SLC25A26: variants seen among roughly 807,000 people sequenced by gnomAD.
SLC25A26 encodes the protein mitochondrial S-adenosylmethionine carrier protein.
A neutral mutation model predicts 37.8 loss-of-function variants in SLC25A26; 36 were observed. That is an observed-to-expected ratio of 0.95 (90% CI 0.73 to 1.26). The LOEUF (loss-of-function observed/expected upper bound fraction) is 1.26, where lower values mean the gene tolerates loss of function less well. Ranked by LOEUF, SLC25A26 falls within the 50% of genes most tolerant of loss-of-function variation. The pLI is 0.00. For synonymous variants in SLC25A26, 129 were observed against 122.5 expected, an observed-to-expected ratio of 1.05 and a Z score of -0.35; for missense variants, 390 against 331.1, an observed-to-expected ratio of 1.18 and a Z score of -1.38.
intron 5 of SLC25A26, among the ~76,000 whole-genome samples, chr3:66,313,129 A>C (rs916716525): frequency 1.3e-5 from 2 of 152,068 alleles, no homozygotes; most frequent in East Asian, 3.9e-4. Flanking sequence ...TCTTTAGTTT[A>C]ATTAGATCCC....
chr3:66,298,703 C>T (rs2074981556), intron 5 of SLC25A26, among the ~76,000 whole-genome samples: 1 of 152,154 alleles, frequency 6.6e-6, no homozygotes, highest in South Asian at 2.1e-4. Flanking sequence ...GAGCACCAGT[C>T]ACACTACTGA....
chr3:66,256,431 T>G (rs2073304666), intron 3 of SLC25A26, among the ~76,000 whole-genome samples: 2 of 152,146 alleles, frequency 1.3e-5, no homozygotes, highest in South Asian at 4.1e-4. Flanking sequence ...TAATAAATAC[T>G]TTTTTCCTTT....
chr3:66,331,922 G>T (rs928183413), intron 5 of SLC25A26, among the ~76,000 whole-genome samples: 1 of 150,546 alleles, frequency 6.6e-6, no homozygotes, highest in Admixed American at 6.6e-5. Flanking sequence ...AAAGTTTTTT[G>T]TTTTTTTTTG....
intron 1 of SLC25A26, among the ~76,000 whole-genome samples, chr3:66,209,295 C>T (rs888720653): frequency 3.0e-5 from 4 of 134,778 alleles, no homozygotes; most frequent in African/African-American, 5.3e-5. Context: ...TAATATATAG[C>T]TATATGTATG....
intron 5 of SLC25A26, among the ~76,000 whole-genome samples, chr3:66,307,471 A>G (rs9841076): frequency 0.093 from 14,209 of 152,090 alleles, 2,168 homozygotes; most frequent in African/African-American, 0.32. Flanking sequence ...CACTCTGATG[A>G]TAGTTTCTTT....
intron 6 of SLC25A26, among the ~76,000 whole-genome samples, chr3:66,355,370 T>G (rs2076551819): frequency 6.6e-6 from 1 of 152,160 alleles, no homozygotes; most frequent in South Asian, 2.1e-4. Flanking sequence ...AAATTGATGC[T>G]GCTTGCACAT....
At position 66,194,449 on chromosome 3, in the gene SLC25A26, C is replaced by T. The variant is rs890679959; in HGVS notation, c.-353-26293C>T. 1.1e-4 allele frequency among the ~76,000 whole-genome samples: 16 copies of T among 152,322 alleles called. No individual in the cohort carries two copies. In the East Asian group the frequency reaches 2.7e-3, roughly 26 times the overall value. Reference sequence around the variant, plus strand: ...TACACAGAAACTTCACTGTCCTTATCATCTGTAGTCCTCAAGATGAACAGA... The same window carrying T: ...TACACAGAAACTTCACTGTCCTTATTATCTGTAGTCCTCAAGATGAACAGA... On this transcript the variant is annotated intron_variant, in intron 1 of 10. Transcript: ENST00000676754.
intron 1 of SLC25A26, among the ~76,000 whole-genome samples, chr3:66,184,585 C>CTGCTCACCTTGAGTTTACAATGTATTACA (rs2070780528): frequency 7.8e-6 from 1 of 128,136 alleles, no homozygotes; most frequent in African/African-American, 2.9e-5. Context: ...TCACCTGACT[C>CTGCTCACCTTGAGTTTACAATGTATTACA]TGCTCACCTT....
intron 5 of SLC25A26, among the ~76,000 whole-genome samples, chr3:66,345,464 CGTCTTCT>C (rs1217914204): frequency 2.0e-5 from 3 of 151,508 alleles, no homozygotes; most frequent in African/African-American, 4.9e-5. Context: ...TTCTCTGCCC[CGTCTTCT>C]GTCTTCTGTC....
At chr3:66,362,596 G>A (rs1032086968) in intron 6 of SLC25A26, among the ~76,000 whole-genome samples, 5 of 152,190 alleles carry the variant, frequency 3.3e-5, no homozygotes, top group East Asian at 3.9e-4. Flanking sequence ...GAATTGTGGC[G>A]ATGATGTTTT....
At chr3:66,270,728 C>T (rs1259191341) in intron 5 of SLC25A26, among the ~76,000 whole-genome samples, 1 of 152,140 alleles carries the variant, frequency 6.6e-6, no homozygotes, top group Non-Finnish European at 1.5e-5. Context: ...AAAATTATTA[C>T]TCCTCAAACC....
chr3:66,235,413 A>G (rs540220122), intron 1 of SLC25A26, among the ~76,000 whole-genome samples: 2 of 152,282 alleles, frequency 1.3e-5, no homozygotes, highest in African/African-American at 4.8e-5. Flanking sequence ...ATCTCTTGGG[A>G]GATGACTAGT....
chr3:66,168,982 T>C (rs2070460498), intron 1 of SLC25A26, among the ~76,000 whole-genome samples: 1 of 152,100 alleles, frequency 6.6e-6, no homozygotes, highest in Non-Finnish European at 1.5e-5. Context: ...AAAATTAGCT[T>C]GGCATGGTGG....
chr3:66,223,145 G>T (rs2071579558), intron 1 of SLC25A26, among the ~76,000 whole-genome samples: 1 of 152,220 alleles, frequency 6.6e-6, no homozygotes, highest in Non-Finnish European at 1.5e-5. Flanking sequence ...TGCTATGAAA[G>T]AAATGAACTG....
At chr3:66,206,500 T>C (rs1343535750) in intron 1 of SLC25A26, among the ~76,000 whole-genome samples, 2 of 152,210 alleles carry the variant, frequency 1.3e-5, no homozygotes, top group African/African-American at 2.4e-5. Context: ...GTCTGTATAA[T>C]TGGCATCCCT....
At chr3:66,200,484 G>A (rs995370429) in intron 1 of SLC25A26, among the ~76,000 whole-genome samples, 3 of 152,124 alleles carry the variant, frequency 2.0e-5, no homozygotes, top group Non-Finnish European at 4.4e-5. Context: ...GATCCTTTTA[G>A]CATCATTTTC....
At chr3:66,316,160 A>T (rs563615404) in intron 5 of SLC25A26, among the ~76,000 whole-genome samples, 5 of 152,216 alleles carry the variant, frequency 3.3e-5, no homozygotes, top group Non-Finnish European at 7.4e-5. Context: ...TTTCATCATG[A>T]TGCTGGCTGA....
intron 5 of SLC25A26, among the ~76,000 whole-genome samples, chr3:66,323,445 G>A (rs1404008226): frequency 1.3e-5 from 2 of 152,178 alleles, no homozygotes; most frequent in Non-Finnish European, 2.9e-5. Flanking sequence ...AATAGAGAAA[G>A]AGTTTAATAC....
At chr3:66,340,234 C>T (rs998331821) in intron 5 of SLC25A26, among the ~76,000 whole-genome samples, 2 of 152,010 alleles carry the variant, frequency 1.3e-5, no homozygotes, top group Non-Finnish European at 2.9e-5. Flanking sequence ...CACTACAACA[C>T]AGTTTTGTTC....
Sources: allele counts gnomAD v4.1 joint callset (sites outside exome capture counted in the v4.1 genomes callset), GRCh38; gene constraint gnomAD v4.1.1; transcripts MANE v1.5; gene names NCBI Gene and HGNC (gene_info 2026-07-23, HGNC 2026-07-21).